The following ZNF592 variants were observed in gnomAD, a reference collection of about 807,000 sequenced individuals.
ZNF592 encodes the protein spinocerebellar ataxia, autosomal recessive 5.
In ZNF592, 11 loss-of-function variants were observed where a neutral mutation model predicts 80.3. The ratio of observed to expected loss-of-function variants is 0.14; its 90% CI spans 0.09 to 0.23. ZNF592 has a LOEUF of 0.23. Ranked by LOEUF, ZNF592 falls within the 10% of genes least tolerant of loss-of-function variation. The pLI is 1.00. For synonymous variants in ZNF592, 646 were observed against 640.3 expected (o/e 1.01, Z -0.13); for missense variants, 1,420 against 1,633.9 (o/e 0.87, Z 2.26).
At chr15:84,792,154 C>T (rs141141608) in intron 5 of ZNF592, among the ~76,000 whole-genome samples, 5 of 152,064 alleles carry the variant, frequency 3.3e-5, no homozygotes, top group Admixed American at 2.0e-4. Context: ...AAGGCATGAT[C>T]GTGGGAATGG....
At chr15:84,750,857 G>A (rs1034511578) in intron 1 of ZNF592, among the ~76,000 whole-genome samples, 7 of 152,164 alleles carry the variant, frequency 4.6e-5, no homozygotes, top group African/African-American at 1.7e-4. Context: ...CTGGAGACTA[G>A]GGCCAAATTA....
chr15:84,787,398 G>T (rs995832887), intron 4 of ZNF592, among the ~76,000 whole-genome samples: 5 of 152,188 alleles, frequency 3.3e-5, no homozygotes, highest in African/African-American at 1.2e-4. Context: ...GAAAGGGTGA[G>T]CCCTGAGCTA....
At chr15:84,789,649 C>G (rs1374392212) in intron 4 of ZNF592, among the ~76,000 whole-genome samples, 1 of 152,192 alleles carries the variant, frequency 6.6e-6, no homozygotes, top group Non-Finnish European at 1.5e-5. Context: ...GTGACCTCCT[C>G]TATTAGTTTA....
At chr15:84,766,073 G>A (rs1473236875) in intron 2 of ZNF592, among the ~76,000 whole-genome samples, 1 of 150,958 alleles carries the variant, frequency 6.6e-6, no homozygotes, top group African/African-American at 2.4e-5. Flanking sequence ...GAGTGCAGTG[G>A]TGTGATCAAG....
At chr15:84,769,327 T>TA (rs931682695) in intron 2 of ZNF592, among the ~76,000 whole-genome samples, 42 of 151,914 alleles carry the variant, frequency 2.8e-4, no homozygotes, top group African/African-American at 1.0e-3. Flanking sequence ...AATTACATAA[T>TA]ATATGCTAGG....
At position 84,776,877 on chromosome 15, in the gene ZNF592, C is replaced by T. The variant is rs577990049; in HGVS notation, c.-149-1306C>T. Among the ~76,000 whole-genome samples the T allele has an allele frequency of 2.0e-5, 3 of 152,232 alleles. No homozygotes were observed. The East Asian group carries it at 5.8e-4, about 29-fold the overall frequency. On this transcript the variant is annotated intron_variant, in intron 2 of 10. Coordinates refer to ENST00000560079, the MANE Select transcript of ZNF592 (RefSeq NM_014630.3). ...CCACCCTGGCTAACATGGTGAAACC[C>T]TGTCTCTATTAAAAATACAGAAAAA...
intron 2 of ZNF592, among the ~76,000 whole-genome samples, chr15:84,770,292 A>G (rs371790910): frequency 3.3e-5 from 5 of 152,356 alleles, no homozygotes; most frequent in African/African-American, 1.2e-4. Flanking sequence ...AGAGATCCAA[A>G]TCTAGAAATA....
intron 2 of ZNF592, among the ~76,000 whole-genome samples, chr15:84,773,583 G>A (rs1040242182): frequency 2.0e-5 from 3 of 152,072 alleles, no homozygotes; most frequent in African/African-American, 7.2e-5. Context: ...CCATCCAGGG[G>A]AGAAGATCTA....
At chr15:84,761,246 A>C (rs1899342233) in intron 1 of ZNF592, among the ~76,000 whole-genome samples, 1 of 152,184 alleles carries the variant, frequency 6.6e-6, no homozygotes, top group Non-Finnish European at 1.5e-5. Context: ...GATTACAGGC[A>C]TGAACCACCA....
chr15:84,798,536 C>T lies in ZNF592; in HGVS notation c.2737-52C>T. On this transcript the variant is annotated intron_variant, in intron 7 of 10. Transcript: ENST00000560079. This position sits in a 1 kb window ranked among gnomAD's most constrained non-coding sequence, Gnocchi z 4.5. Reference sequence around the variant, plus strand: ...CACATGCCTCAGGCTGGGGGTCTGACTCTGTGCATCTTTCCCCTTGCCCAG... The same window carrying T: ...CACATGCCTCAGGCTGGGGGTCTGATTCTGTGCATCTTTCCCCTTGCCCAG... 1 of 1,613,934 alleles carries T rather than the reference C, an allele frequency of 6.2e-7. No individual in the cohort carries two copies. The highest frequency in any genetic ancestry group is 1.1e-5 in the South Asian group (1 of 91,062).
At position 84,784,555 on chromosome 15, in the gene ZNF592, T is replaced by C. The variant is rs760942555; in HGVS notation, c.1880T>C (p.Phe627Ser). ...CTLCSKTLLFFNKCSLLRHAR... is the reference protein window; with the variant it reads ...CTLCSKTLLFSNKCSLLRHAR... ...CTGTGCTCCAAGACGCTGCTCTTCT[T>C]CAACAAGTGCAGCCTGCTCCGGCAC... The change falls in exon 4 of 11, where the codon TTC becomes TCC. Residue 627 changes from phenylalanine (F) to serine (S), a missense_variant. By Grantham distance (155) the Phe-to-Ser change is radical. This residue lies in a region of ZNF592 where 524 missense variants were observed against 628.3 expected (regional missense o/e 0.83). Coordinates refer to ENST00000560079, the MANE Select transcript of ZNF592 (RefSeq NM_014630.3). This position sits in a 1 kb window ranked among gnomAD's most constrained non-coding sequence, Gnocchi z 5.8. 1 of 1,614,136 alleles carries C rather than the reference T, an allele frequency of 6.2e-7. No individual in the cohort carries two copies. The highest frequency in any genetic ancestry group is 1.1e-5 in the South Asian group (1 of 91,084).
chr15:84,750,517 G>A (rs1898984559), intron 1 of ZNF592, among the ~76,000 whole-genome samples: 1 of 152,134 alleles, frequency 6.6e-6, no homozygotes, highest in Non-Finnish European at 1.5e-5. Flanking sequence ...AAGGAAGCAG[G>A]GAAGGAGAAT....
At chr15:84,780,179 A>G (rs550489045) in intron 3 of ZNF592, among the ~76,000 whole-genome samples, 53 of 151,682 alleles carry the variant, frequency 3.5e-4, no homozygotes, top group African/African-American at 1.1e-3. Flanking sequence ...TAGAGATGAG[A>G]TTTCACTATG....
Position 84,798,986 on chromosome 15 carries a change from C to G in ZNF592, c.3024+111C>G, listed in dbSNP as rs1963013865. 1 of 1,589,950 alleles carries G rather than the reference C, an allele frequency of 6.3e-7. No individual in the cohort carries two copies. Among genetic ancestry groups the G allele is most frequent in the Admixed American group, 1.7e-5 (1 of 60,006 alleles). On this transcript the variant is annotated intron_variant, in intron 8 of 10. Transcript: ENST00000560079. The surrounding 1 kb of genome is among the most constrained non-coding windows in gnomAD (Gnocchi z 4.5). ...TTAGGGCAGGGTGGGTACCACAGAT[C>G]TTGAGGTCTTCGGGAGTATCCTCCT...
intron 5 of ZNF592, among the ~76,000 whole-genome samples, chr15:84,792,911 T>A (rs890751281): frequency 6.6e-6 from 1 of 152,158 alleles, no homozygotes; most frequent in African/African-American, 2.4e-5. Context: ...CCAGGCTATA[T>A]TTTAAACCAA....
intron 1 of ZNF592, among the ~76,000 whole-genome samples, chr15:84,763,540 G>A (rs1317936867): frequency 6.6e-6 from 1 of 152,138 alleles, no homozygotes; most frequent in Non-Finnish European, 1.5e-5. Context: ...GGACAGCACA[G>A]TGTCTGCTTG....
Position 84,784,865 on chromosome 15 carries a change from C to G in ZNF592, c.2190C>G (p.Phe730Leu). 6.2e-7 allele frequency: 1 copy of G among 1,614,134 alleles called. No individual in the cohort carries two copies. The highest frequency in any genetic ancestry group is 8.5e-7 in the Non-Finnish European group (1 of 1,180,030). The change falls in exon 4 of 11, where the codon TTC becomes TTG. Residue 730 changes from phenylalanine to leucine, a missense_variant. Transcript: ENST00000560079. This position sits in a 1 kb window ranked among gnomAD's most constrained non-coding sequence, Gnocchi z 5.8. Reference sequence around the variant, plus strand: ...ACTACATGGTCCTGGCTGCACATTTCCAGAGGACAACAGAGGAGACAGAGG... The same window carrying G: ...ACTACATGGTCCTGGCTGCACATTTGCAGAGGACAACAGAGGAGACAGAGG... ...MRDYMVLAAH[F>L]QRTTEETEGL...
chr15:84,756,982 G>A (rs1010253549), intron 1 of ZNF592, among the ~76,000 whole-genome samples: 1 of 152,052 alleles, frequency 6.6e-6, no homozygotes, highest in Non-Finnish European at 1.5e-5. Flanking sequence ...CCATGGTGGT[G>A]CGCGCCTGTA....
chr15:84,798,456 G>A lies in ZNF592; in HGVS notation c.2718G>A (p.Glu906=), dbSNP rs766988074. The A allele has an allele frequency of 6.2e-7, 1 of 1,614,028 alleles. No individual in the cohort carries two copies. The highest frequency in any genetic ancestry group is 1.7e-5 in the Admixed American group (1 of 60,018). Reference sequence around the variant, plus strand: ...CACTCTTGTTCGTGCAGAAGCCGGAGTTGATGCAACACGTCAAGGTGGGAT... The same window carrying A: ...CACTCTTGTTCGTGCAGAAGCCGGAATTGATGCAACACGTCAAGGTGGGAT... ...ECPLLFVQKP[E]LMQHVKSTHG... The change falls in exon 7 of 11, where the codon GAG becomes GAA. Residue 906 remains glutamate, a synonymous_variant. Transcript: ENST00000560079. The surrounding 1 kb of genome is among the most constrained non-coding windows in gnomAD (Gnocchi z 4.5).
Sources: gnomAD v4.1 joint callset for allele counts (sites outside exome capture counted in the v4.1 genomes callset) on GRCh38, gnomAD v4.1.1 for gene constraint, gnomAD v4.1.1 regional missense constraint, Gnocchi (gnomAD v3.1) non-coding constraint, MANE v1.5 for transcripts, NCBI Gene and HGNC (gene_info 2026-07-23, HGNC 2026-07-21) for gene names.